Variants in DPP10 observed in about 807,000 individuals in gnomAD.
The protein encoded by DPP10 is dipeptidyl peptidase like 10.
In DPP10, 33 loss-of-function variants were observed where a neutral mutation model predicts 120.9. The observed-to-expected ratio is 0.27, with a 90% CI of 0.21 to 0.37. The LOEUF (loss-of-function observed/expected upper bound fraction) is 0.37, where lower values mean the gene tolerates loss of function less well. Ranked by LOEUF, DPP10 falls within the 10% of genes least tolerant of loss-of-function variation. The pLI, the probability that DPP10 is intolerant of heterozygous loss-of-function variation, is 1.00. For missense variants in DPP10, 816 were observed against 942.8 expected, an observed-to-expected ratio of 0.87 and a Z score of 1.76; for synonymous variants, 337 against 326.1, an observed-to-expected ratio of 1.03 and a Z score of -0.36.
At chr2:115,147,967 A>C (rs1402453862) in intron 1 of DPP10, among the ~76,000 whole-genome samples, 1 of 152,080 alleles carries the variant, frequency 6.6e-6, no homozygotes, top group East Asian at 1.9e-4. Context: ...TTGAGGAGAG[A>C]TGGTGTCAAG....
At chr2:115,597,514 A>T (rs2149201365) in intron 5 of DPP10, among the ~76,000 whole-genome samples, 1 of 150,292 alleles carries the variant, frequency 6.7e-6, no homozygotes, top group South Asian at 2.1e-4. Flanking sequence ...GAGAAAAAAC[A>T]TAAAGGTCAT....
At chr2:114,516,411 ACT>A (rs1331800845) in intron 1 of DPP10, among the ~76,000 whole-genome samples, 2 of 151,994 alleles carry the variant, frequency 1.3e-5, no homozygotes, top group African/African-American at 2.4e-5. Context: ...CTGTGATGAG[ACT>A]CTGCTGTTTT....
chr2:114,461,281 G>A (rs1324294402), intron 1 of DPP10, among the ~76,000 whole-genome samples: 8 of 152,156 alleles, frequency 5.3e-5, no homozygotes, highest in Non-Finnish European at 1.2e-4. Context: ...ACAGCCCCCA[G>A]TTTCTTAATG....
At chr2:114,997,781 G>A (rs530009962) in intron 1 of DPP10, among the ~76,000 whole-genome samples, 1 of 152,154 alleles carries the variant, frequency 6.6e-6, no homozygotes, top group African/African-American at 2.4e-5. Context: ...CTGGCTGAGT[G>A]TCCTTTATGC....
intron 1 of DPP10, among the ~76,000 whole-genome samples, chr2:114,682,750 A>ATCTATCTATCTATCTGTCTG (rs1699108243): frequency 1.4e-5 from 2 of 144,636 alleles, no homozygotes; most frequent in Admixed American, 1.4e-4. Context: ...TTTTATATCT[A>ATCTATCTATCTATCTGTCTG]TCTATCTATC....
In DPP10 at chr2:115,259,808, CAT is replaced by C. The variant is rs552435592; in HGVS notation, c.61-49428_61-49427del. Among the ~76,000 whole-genome samples the C allele has an allele frequency of 7.7e-4, 117 of 152,122 alleles. 1 individual carries two copies. Among genetic ancestry groups the C allele is most frequent in the African/African-American group, 2.5e-3 (104 of 41,522 alleles). On this transcript the variant is annotated intron_variant, in intron 1 of 25. Coordinates refer to ENST00000410059, the MANE Select transcript of DPP10 (RefSeq NM_020868.6). ...TATTAAAAATACACATATGCATAAA[CAT>C]ATTCACACAAACTATATATGATATA...
At chr2:115,046,637 A>T (rs1705092480) in intron 1 of DPP10, among the ~76,000 whole-genome samples, 1 of 152,138 alleles carries the variant, frequency 6.6e-6, no homozygotes, top group Admixed American at 6.6e-5. Flanking sequence ...GCTTACTTTA[A>T]TATAGGGGAC....
At position 114,915,116 on chromosome 2, in the gene DPP10, A is replaced by G. The variant is rs376236975; in HGVS notation, c.61-394123A>G. Among the ~76,000 whole-genome samples, 1,356 of 144,394 alleles carry G rather than the reference A, an allele frequency of 9.4e-3. 20 individuals carry two copies. The highest frequency in any genetic ancestry group is 0.034 in the African/African-American group (1,305 of 38,908). 94.7% of individuals were successfully genotyped at this position (144,394 alleles called of 152,430 possible). A position where few individuals can be genotyped will look rare whatever the true frequency, so the allele number is the denominator to read the frequency against. ...ACTGCACCCCAGCCTGGGCGACAGA[A>G]CGAGACTCCGTCTCAAAAAAAAAAA... On this transcript the variant is annotated intron_variant, in intron 1 of 25. Transcript: ENST00000410059.
At chr2:115,469,210 A>G (rs2074528717) in intron 3 of DPP10, among the ~76,000 whole-genome samples, 1 of 152,222 alleles carries the variant, frequency 6.6e-6, no homozygotes, top group South Asian at 2.1e-4. Context: ...TAAAGAAAAT[A>G]GGAAAGTGAA....
chr2:115,079,027 G>GAC (rs1708029163), intron 1 of DPP10, among the ~76,000 whole-genome samples: 1 of 152,082 alleles, frequency 6.6e-6, no homozygotes, highest in African/African-American at 2.4e-5. Context: ...TTCACACACA[G>GAC]ACACACACAC....
intron 5 of DPP10, among the ~76,000 whole-genome samples, chr2:115,569,204 A>C (rs2081197143): frequency 6.6e-6 from 1 of 152,248 alleles, no homozygotes; most frequent in African/African-American, 2.4e-5. Flanking sequence ...CAAACCAGGC[A>C]ACCTGCTTTC....
intron 1 of DPP10, among the ~76,000 whole-genome samples, chr2:114,929,640 C>T (rs1695917821): frequency 6.6e-6 from 1 of 152,160 alleles, no homozygotes; most frequent in South Asian, 2.1e-4. Flanking sequence ...TCGCTGTTAT[C>T]CTGTTCTTTT....
chr2:115,115,954 G>T (rs529937688), intron 1 of DPP10, among the ~76,000 whole-genome samples: 1 of 152,042 alleles, frequency 6.6e-6, no homozygotes, highest in Non-Finnish European at 1.5e-5. Context: ...GTGGTGTGAG[G>T]GATAGATTAG....
intron 3 of DPP10, among the ~76,000 whole-genome samples, chr2:115,374,570 G>A (rs10451600): frequency 0.68 from 103,119 of 152,098 alleles, 35,286 homozygotes; most frequent in Admixed American, 0.75. Context: ...GGGTGTTCCA[G>A]CCTCACATTT....
chr2:115,645,661 G>A (rs1170543273), intron 5 of DPP10, among the ~76,000 whole-genome samples: 2 of 152,120 alleles, frequency 1.3e-5, no homozygotes, highest in Non-Finnish European at 2.9e-5. Context: ...TGTTCAGGGT[G>A]GATGCACGTT....
At chr2:115,723,473 T>A (rs6748142) in intron 7 of DPP10, among the ~76,000 whole-genome samples, 27,185 of 152,060 alleles carry the variant, frequency 0.18, 2,624 homozygotes, top group African/African-American at 0.25. Context: ...TAGTAATCCA[T>A]CCAGGCATTC....
intron 1 of DPP10, among the ~76,000 whole-genome samples, chr2:114,807,354 G>T (rs1176511130): frequency 6.6e-6 from 1 of 152,132 alleles, no homozygotes; most frequent in African/African-American, 2.4e-5. Context: ...TCAAGTCAGG[G>T]TAATTGGGAT....
At chr2:114,990,879 C>A (rs545487530) in intron 1 of DPP10, among the ~76,000 whole-genome samples, 1 of 152,258 alleles carries the variant, frequency 6.6e-6, no homozygotes, top group South Asian at 2.1e-4. Flanking sequence ...GTCTCTCTTG[C>A]TCAGGGTCAG....
chr2:115,509,992 T>C (rs2077141129), intron 4 of DPP10, among the ~76,000 whole-genome samples: 1 of 152,198 alleles, frequency 6.6e-6, no homozygotes, highest in Admixed American at 6.6e-5. Context: ...TTATTGATCA[T>C]TTGTATATCT....
Sources: allele counts gnomAD v4.1 joint callset (sites outside exome capture counted in the v4.1 genomes callset), GRCh38; gene constraint gnomAD v4.1.1; transcripts MANE v1.5; gene names NCBI Gene and HGNC (gene_info 2026-07-23, HGNC 2026-07-21).